FHIT: variants seen among roughly 807,000 people sequenced by gnomAD.
The protein encoded by FHIT is fragile histidine triad diadenosine triphosphatase, also known as bis(5'-adenosyl)-triphosphatase.
Under a neutral mutation model 17.9 loss-of-function variants are expected in FHIT, and 19 were observed. The observed-to-expected ratio is 1.06, with a 90% CI of 0.74 to 1.56. The LOEUF (loss-of-function observed/expected upper bound fraction) is 1.56, where lower values mean the gene tolerates loss of function less well. Ranked by LOEUF, FHIT falls within the 40% of genes most tolerant of loss-of-function variation. The pLI, the probability that FHIT is intolerant of heterozygous loss-of-function variation, is 0.00. For missense variants in FHIT, 248 were observed against 189.2 expected (o/e 1.31, Z -1.82); for synonymous variants, 81 against 69.7 (o/e 1.16, Z -0.81).
rs1296478643 is a variant in FHIT at position 61,135,198 on chromosome 3, A to AG, written c.-164+65418dup. Among the ~76,000 whole-genome samples, 25 of 152,350 alleles carry AG rather than the reference A, an allele frequency of 1.6e-4. No individual in the cohort carries two copies. In the East Asian group the frequency reaches 4.1e-3, roughly 25 times the overall value. On this transcript the variant is annotated intron_variant, in intron 2 of 9. Transcript: ENST00000492590. ...CCAGGCTAGTTAAGGAGAAAAAAAAAGAATGCTAAGAGAAAGTGGCTTGGG... is the reference window on the plus strand; with the variant it reads ...CCAGGCTAGTTAAGGAGAAAAAAAAAGGAATGCTAAGAGAAAGTGGCTTGGG...
intron 3 of FHIT, among the ~76,000 whole-genome samples, chr3:60,842,310 T>C (rs919227426): frequency 6.6e-6 from 1 of 151,304 alleles, no homozygotes; most frequent in Non-Finnish European, 1.5e-5. Flanking sequence ...AAACTCCTAA[T>C]GAGACCATGT....
intron 4 of FHIT, among the ~76,000 whole-genome samples, chr3:60,697,825 A>C (rs2041149032): frequency 6.6e-6 from 1 of 152,194 alleles, no homozygotes; most frequent in Non-Finnish European, 1.5e-5. Context: ...GACCATTATA[A>C]ATACAGCATG....
At chr3:60,702,069 C>T (rs1376916578) in intron 4 of FHIT, among the ~76,000 whole-genome samples, 1 of 152,140 alleles carries the variant, frequency 6.6e-6, no homozygotes, top group Non-Finnish European at 1.5e-5. Flanking sequence ...CGCCATGTTG[C>T]CCAGGCTGGT....
intron 7 of FHIT, among the ~76,000 whole-genome samples, chr3:59,957,981 G>T (rs1001595010): frequency 1.3e-5 from 2 of 152,216 alleles, no homozygotes; most frequent in Non-Finnish European, 2.9e-5. Context: ...GAACACGTTT[G>T]AATGTGTGTG....
chr3:60,220,536 G>T (rs1226338448), intron 5 of FHIT, among the ~76,000 whole-genome samples: 2 of 151,968 alleles, frequency 1.3e-5, no homozygotes, highest in Non-Finnish European at 2.9e-5. Flanking sequence ...TTTCTAAGAT[G>T]AATTCAAATT....
chr3:60,702,735 C>T (rs1244572729), intron 4 of FHIT, among the ~76,000 whole-genome samples: 2 of 152,018 alleles, frequency 1.3e-5, no homozygotes, highest in Admixed American at 6.6e-5. Flanking sequence ...CAAGCAGAAC[C>T]CATAACACAG....
chr3:60,878,024 C>G (rs1553756903), intron 3 of FHIT, among the ~76,000 whole-genome samples: 1 of 152,094 alleles, frequency 6.6e-6, no homozygotes, highest in Non-Finnish European at 1.5e-5. Flanking sequence ...CCACTGAACC[C>G]TATTGGCTTA....
chr3:61,000,327 A>G (rs1362797037), intron 3 of FHIT, among the ~76,000 whole-genome samples: 1 of 152,214 alleles, frequency 6.6e-6, no homozygotes, highest in East Asian at 1.9e-4. Flanking sequence ...AAATATTTTT[A>G]AGCTCTGGCT....
chr3:59,771,354 G>A (rs1195675137), intron 8 of FHIT, among the ~76,000 whole-genome samples: 1 of 152,108 alleles, frequency 6.6e-6, no homozygotes. Context: ...TTATCCAGGA[G>A]GAAAAGCATG....
intron 3 of FHIT, among the ~76,000 whole-genome samples, chr3:60,974,807 G>A (rs182356499): frequency 6.6e-6 from 1 of 152,246 alleles, no homozygotes; most frequent in Non-Finnish European, 1.5e-5. Flanking sequence ...TTTACAGGAT[G>A]CCCAAGACAT....
chr3:60,536,802 G>T, intron 5 of FHIT, 58 bp downstream of exon 5: 1 of 1,523,322 alleles, frequency 6.6e-7, no homozygotes, highest in Non-Finnish European at 8.8e-7. Flanking sequence ...TATTCATTTG[G>T]CTGGTTAGGC....
At chr3:60,829,220 C>G (rs778731745) in intron 3 of FHIT, among the ~76,000 whole-genome samples, 1 of 152,196 alleles carries the variant, frequency 6.6e-6, no homozygotes, top group Non-Finnish European at 1.5e-5. Context: ...CTCCCAACAC[C>G]TACTACTATG....
rs541531212 is a variant in FHIT at position 60,032,757 on chromosome 3, T to A, written c.104-18605A>T. On this transcript the variant is annotated intron_variant, in intron 5 of 9. Coordinates refer to ENST00000492590, the MANE Select transcript of FHIT (RefSeq NM_002012.4). The stretch of plus-strand genomic sequence containing the variant: ...AATCCATAGACCCGCAGCTGTCTAA[T>A]AGAACTTTTTGCGATTGTTTACACT... 7.3e-5 allele frequency among the ~76,000 whole-genome samples: 11 copies of A among 151,422 alleles called. No individual in the cohort carries two copies. In the East Asian group the frequency reaches 2.1e-3, roughly 29 times the overall value.
chr3:60,065,008 G>T (rs1207704177), intron 5 of FHIT, among the ~76,000 whole-genome samples: 1 of 152,056 alleles, frequency 6.6e-6, no homozygotes, highest in African/African-American at 2.4e-5. Context: ...AACACAGCTG[G>T]CCTCAAAGGC....
chr3:59,970,145 G>C (rs909549653), intron 7 of FHIT, among the ~76,000 whole-genome samples: 1 of 152,012 alleles, frequency 6.6e-6, no homozygotes, highest in African/African-American at 2.4e-5. Context: ...AAAAAGGATG[G>C]TCTTTATGAA....
intron 5 of FHIT, among the ~76,000 whole-genome samples, chr3:60,207,825 AG>A (rs1703272033): frequency 6.6e-6 from 1 of 152,208 alleles, no homozygotes; most frequent in Non-Finnish European, 1.5e-5. Flanking sequence ...CTGGTTGGTA[AG>A]GACATGGTAG....
At chr3:60,713,830 T>G (rs1398133896) in intron 4 of FHIT, among the ~76,000 whole-genome samples, 1 of 151,794 alleles carries the variant, frequency 6.6e-6, no homozygotes, top group Non-Finnish European at 1.5e-5. Flanking sequence ...CCAGATGGAT[T>G]CACAGCCGAA....
At chr3:59,753,687 T>C (rs1268973025) in intron 8 of FHIT, among the ~76,000 whole-genome samples, 1 of 152,138 alleles carries the variant, frequency 6.6e-6, no homozygotes, top group Non-Finnish European at 1.5e-5. Flanking sequence ...AAGGCGCACA[T>C]TATTTCTTTG....
At chr3:60,511,732 C>G (rs1023837269) in intron 5 of FHIT, among the ~76,000 whole-genome samples, 1 of 152,090 alleles carries the variant, frequency 6.6e-6, no homozygotes, top group African/African-American at 2.4e-5. Context: ...TTCTAATTAT[C>G]TTCTATTTAA....
Sources: gnomAD v4.1 joint callset for allele counts (sites outside exome capture counted in the v4.1 genomes callset) on GRCh38, gnomAD v4.1.1 for gene constraint, MANE v1.5 for transcripts, NCBI Gene and HGNC (gene_info 2026-07-23, HGNC 2026-07-21) for gene names.